Variants in NAALADL2 observed in about 807,000 individuals in gnomAD.
The protein encoded by NAALADL2 is N-acetylated alpha-linked acidic dipeptidase like 2.
In NAALADL2, 76 loss-of-function variants were observed where a neutral mutation model predicts 87.2. The ratio of observed to expected loss-of-function variants is 0.87; its 90% CI spans 0.72 to 1.05. The LOEUF is 1.05. NAALADL2 is among the 50% of genes least tolerant of loss of function. The probability of loss-of-function intolerance (pLI) is 0.00; values close to 1 mark genes in which losing one functional copy is unlikely to be tolerated. For synonymous variants in NAALADL2, 354 were observed against 331.0 expected (o/e 1.07, Z -0.75); for missense variants, 1,089 against 945.8 (o/e 1.15, Z -1.99).
chr3:175,439,737 TTTC>T (rs1338694971), intron 5 of NAALADL2, among the ~76,000 whole-genome samples: 5 of 149,108 alleles, frequency 3.4e-5, no homozygotes, highest in Admixed American at 6.7e-5. Context: ...TTTTCTTTTT[TTTC>T]TTTTTTTGAT....
At chr3:174,504,835 A>T (rs1038208503) in intron 1 of NAALADL2, among the ~76,000 whole-genome samples, 6 of 152,152 alleles carry the variant, frequency 3.9e-5, no homozygotes, top group Admixed American at 3.3e-4. Flanking sequence ...GTAGTAGTAC[A>T]AGTTTATTTT....
chr3:175,094,315 TTGAC>T (rs934163973), intron 1 of NAALADL2, among the ~76,000 whole-genome samples: 7 of 151,934 alleles, frequency 4.6e-5, no homozygotes, highest in South Asian at 2.1e-4. Context: ...GAAAAAAAAA[TTGAC>T]TGGTGCTAGG....
chr3:175,725,084 C>G (rs530739718), intron 11 of NAALADL2, among the ~76,000 whole-genome samples: 2 of 151,960 alleles, frequency 1.3e-5, no homozygotes, highest in Non-Finnish European at 2.9e-5. Flanking sequence ...CACAATATTT[C>G]ACATGTACAG....
intron 1 of NAALADL2, among the ~76,000 whole-genome samples, chr3:174,915,493 T>G (rs995779912): frequency 6.6e-6 from 1 of 152,190 alleles, no homozygotes. Flanking sequence ...GAGACAGGTT[T>G]TGAGCCCATG....
At chr3:175,009,252 G>C (rs560851513) in intron 1 of NAALADL2, among the ~76,000 whole-genome samples, 11 of 152,256 alleles carry the variant, frequency 7.2e-5, no homozygotes, top group Middle Eastern at 6.8e-3. Flanking sequence ...ATCCTAGAGG[G>C]TAGAGTAAGG....
intron 9 of NAALADL2, among the ~76,000 whole-genome samples, chr3:175,520,545 G>A (rs150727832): frequency 0.02 from 3,017 of 152,036 alleles, 104 homozygotes; most frequent in African/African-American, 0.069. Flanking sequence ...TGATCCACCC[G>A]CCTCGGCCTC....
chr3:174,491,221 A>G (rs1439920426), intron 1 of NAALADL2, among the ~76,000 whole-genome samples: 2 of 152,128 alleles, frequency 1.3e-5, no homozygotes, highest in East Asian at 3.9e-4. Flanking sequence ...TCAATCCTGT[A>G]TCATTTTTAC....
At chr3:174,743,200 A>G (rs964853942) in intron 3 of NAALADL2, among the ~76,000 whole-genome samples, 1 of 151,758 alleles carries the variant, frequency 6.6e-6, no homozygotes, top group African/African-American at 2.4e-5. Flanking sequence ...CGATCTGTCT[A>G]TCCACTTTAT....
intron 2 of NAALADL2, among the ~76,000 whole-genome samples, chr3:174,685,828 C>T (rs762613858): frequency 2.0e-5 from 3 of 151,566 alleles, no homozygotes; most frequent in South Asian, 2.1e-4. Flanking sequence ...CTCCCACCCC[C>T]ACCCTTCCAT....
At chr3:174,975,646 GGC>G (rs1365593002) in intron 1 of NAALADL2, among the ~76,000 whole-genome samples, 34 of 152,072 alleles carry the variant, frequency 2.2e-4, no homozygotes, top group African/African-American at 8.0e-4. Context: ...AATGGTGATG[GGC>G]TAGTTGCTGT....
chr3:175,595,725 G>T (rs1298051164), intron 10 of NAALADL2, among the ~76,000 whole-genome samples: 1 of 151,748 alleles, frequency 6.6e-6, no homozygotes, highest in South Asian at 2.1e-4. Context: ...AAACACTGTT[G>T]AAAGAAATCA....
chr3:175,467,366 G>A (rs568051305), intron 8 of NAALADL2, among the ~76,000 whole-genome samples, 182 bp downstream of exon 8: 4 of 148,230 alleles, frequency 2.7e-5, no homozygotes, highest in East Asian at 2.0e-4. Context: ...AGCAAACTAC[G>A]TATGACCTTC....
chr3:174,949,363 C>T (rs1340062034), intron 1 of NAALADL2, among the ~76,000 whole-genome samples: 2 of 152,114 alleles, frequency 1.3e-5, no homozygotes, highest in Admixed American at 1.3e-4. Context: ...TCACTTCTGC[C>T]ATGGTTGCAA....
intron 11 of NAALADL2, among the ~76,000 whole-genome samples, chr3:175,635,937 C>G (rs1163197131): frequency 6.6e-6 from 1 of 151,980 alleles, no homozygotes; most frequent in Non-Finnish European, 1.5e-5. Context: ...CAGACAATCC[C>G]TACTTAAAAA....
intron 5 of NAALADL2, among the ~76,000 whole-genome samples, chr3:175,395,235 C>T (rs1769621269): frequency 6.6e-6 from 1 of 152,100 alleles, no homozygotes; most frequent in Admixed American, 6.6e-5. Flanking sequence ...GATTTCATTA[C>T]ACTACTCATT....
intron 13 of NAALADL2, among the ~76,000 whole-genome samples, chr3:175,785,040 C>A (rs1257917141): frequency 6.6e-6 from 1 of 151,088 alleles, no homozygotes; most frequent in East Asian, 1.9e-4. Context: ...ATCCTGAGTT[C>A]TAGTTTGATT....
chr3:175,373,762 T>C lies in NAALADL2; in HGVS notation c.1090+49437T>C, dbSNP rs533848847. On this transcript the variant is annotated intron_variant, in intron 5 of 13. Coordinates refer to ENST00000454872, the MANE Select transcript of NAALADL2 (RefSeq NM_207015.3). ...AATCTATTTTCTAAAGTGGTGGTAC[T>C]GTATTACACTCCCACCAGTAGTATA... Among the ~76,000 whole-genome samples the C allele has an allele frequency of 7.2e-5, 11 of 152,358 alleles. No individual in the cohort carries two copies. In the South Asian group the frequency reaches 2.3e-3, roughly 32 times the overall value.
chr3:174,962,558 G>C (rs867952940), intron 1 of NAALADL2, among the ~76,000 whole-genome samples: 2 of 151,712 alleles, frequency 1.3e-5, no homozygotes, highest in Middle Eastern at 3.5e-3. Flanking sequence ...TGTGATATAA[G>C]TCACTGGTGC....
At chr3:175,720,304 A>G (rs1742054623) in intron 11 of NAALADL2, among the ~76,000 whole-genome samples, 1 of 152,118 alleles carries the variant, frequency 6.6e-6, no homozygotes, top group Non-Finnish European at 1.5e-5. Flanking sequence ...CATGAGATAG[A>G]AAATCATCTT....
Sources: allele counts gnomAD v4.1 joint callset (sites outside exome capture counted in the v4.1 genomes callset), GRCh38; gene constraint gnomAD v4.1.1; transcripts MANE v1.5; gene names NCBI Gene and HGNC (gene_info 2026-07-23, HGNC 2026-07-21).